FAM193A: variants seen among roughly 807,000 people sequenced by gnomAD.
The protein encoded by FAM193A is protein FAM193A.
FAM193A carries 22 observed loss-of-function variants against 126.5 expected under a neutral mutation model. That is an observed-to-expected ratio of 0.17 (90% CI 0.12 to 0.25). The LOEUF is 0.25. FAM193A is among the 10% of genes least tolerant of loss of function. The pLI is 1.00. For synonymous variants in FAM193A, 761 were observed against 646.8 expected, an observed-to-expected ratio of 1.18 and a Z score of -2.68; for missense variants, 1,675 against 1,672.8, an observed-to-expected ratio of 1.00 and a Z score of -0.02.
intron 1 of FAM193A, among the ~76,000 whole-genome samples, chr4:2,557,972 A>G (rs990480541): frequency 2.6e-5 from 4 of 151,806 alleles, no homozygotes; most frequent in African/African-American, 9.7e-5. Context: ...AAAGTTAACC[A>G]TTTAATAGTG....
intron 19 of FAM193A, among the ~76,000 whole-genome samples, chr4:2,712,238 A>G (rs1577255772): frequency 6.6e-6 from 1 of 152,296 alleles, no homozygotes; most frequent in South Asian, 2.1e-4. Context: ...GGAGATACAT[A>G]TATGTATACA....
At chr4:2,589,368 C>G (rs1330112782) in intron 1 of FAM193A, among the ~76,000 whole-genome samples, 1 of 152,172 alleles carries the variant, frequency 6.6e-6, no homozygotes, top group Non-Finnish European at 1.5e-5. Flanking sequence ...TAGGTTTTCT[C>G]TGTTTATTCT....
At chr4:2,675,345 C>T (rs569667502) in intron 13 of FAM193A, among the ~76,000 whole-genome samples, 6 of 152,296 alleles carry the variant, frequency 3.9e-5, no homozygotes, top group African/African-American at 7.2e-5. Context: ...TTTCTGATTG[C>T]GTGCCCTTGA....
intron 13 of FAM193A, among the ~76,000 whole-genome samples, chr4:2,676,088 G>A (rs948940063): frequency 3.3e-5 from 5 of 152,176 alleles, no homozygotes; most frequent in Admixed American, 3.3e-4. Flanking sequence ...CTGTAAACAT[G>A]AGTGTACAAA....
chr4:2,638,625 A>G (rs919421036), intron 5 of FAM193A, among the ~76,000 whole-genome samples: 8 of 152,244 alleles, frequency 5.3e-5, no homozygotes, highest in African/African-American at 1.9e-4. Context: ...TCCAGGTATG[A>G]AAACAGAGCT....
intron 2 of FAM193A, among the ~76,000 whole-genome samples, chr4:2,611,030 C>G (rs1007460011): frequency 6.6e-6 from 1 of 152,066 alleles, no homozygotes; most frequent in African/African-American, 2.4e-5. Context: ...AGCCACCGTG[C>G]CCGGCCGAGT....
intron 13 of FAM193A, 110 bp from the exon 14 acceptor site, chr4:2,689,396 C>A: frequency 2.7e-6 from 2 of 736,584 alleles, no homozygotes; most frequent in South Asian, 1.9e-5. Flanking sequence ...CAGCTCATGG[C>A]GAGCACATCC....
chr4:2,654,018 G>T (rs999157434), intron 7 of FAM193A, among the ~76,000 whole-genome samples: 1 of 152,100 alleles, frequency 6.6e-6, no homozygotes, highest in Non-Finnish European at 1.5e-5. Flanking sequence ...GGAGTTCTTG[G>T]TTTGTGGCCA....
intron 1 of FAM193A, among the ~76,000 whole-genome samples, chr4:2,549,096 G>T (rs554801268): frequency 6.6e-6 from 1 of 150,810 alleles, no homozygotes; most frequent in African/African-American, 2.4e-5. Context: ...GTGCCATCAT[G>T]CCTGGCTAAT....
intron 12 of FAM193A, among the ~76,000 whole-genome samples, chr4:2,663,934 T>C (rs1712787722): frequency 6.6e-6 from 1 of 152,218 alleles, no homozygotes; most frequent in Non-Finnish European, 1.5e-5. Flanking sequence ...GCCACTGCAC[T>C]TCAGCCTGGG....
At chr4:2,590,799 G>T (rs922489858) in intron 1 of FAM193A, among the ~76,000 whole-genome samples, 1 of 151,886 alleles carries the variant, frequency 6.6e-6, no homozygotes, top group African/African-American at 2.4e-5. Context: ...AGGCCGAGGC[G>T]GGTGGATCAC....
chr4:2,681,618 A>G (rs946676099), intron 13 of FAM193A, among the ~76,000 whole-genome samples: 3 of 151,548 alleles, frequency 2.0e-5, no homozygotes, highest in African/African-American at 4.9e-5. Context: ...CCAGCTATCT[A>G]TCTGTCTGTC....
chr4:2,542,120 A>G (rs1306834833), intron 1 of FAM193A, among the ~76,000 whole-genome samples: 1 of 151,368 alleles, frequency 6.6e-6, no homozygotes, highest in Non-Finnish European at 1.5e-5. Context: ...GGTTCAAGTG[A>G]TTCTTTTGCC....
chr4:2,687,722 C>A (rs1828803), intron 13 of FAM193A, among the ~76,000 whole-genome samples: 46,527 of 152,104 alleles, frequency 0.31, 8,941 homozygotes, highest in Admixed American at 0.51. Context: ...CTGGTTCATC[C>A]ACAGCATTGC....
rs80028985 is a variant in FAM193A at position 2,546,591 on chromosome 4, C to A, written c.255+9421C>A. ...ACTTTGAGATTCATCCAAGTTGTTG[C>A]ATGTATCAGTAGCTTGTTCTTTTTT... On this transcript the variant is annotated intron_variant, in intron 1 of 20. Transcript: ENST00000637812. Among the ~76,000 whole-genome samples, 977 of 152,222 alleles carry A rather than the reference C, an allele frequency of 6.4e-3. 9 individuals carry two copies. Among genetic ancestry groups the A allele is most frequent in the African/African-American group, 0.021 (883 of 41,530 alleles).
intron 2 of FAM193A, among the ~76,000 whole-genome samples, chr4:2,603,122 C>A (rs952551195): frequency 2.7e-5 from 4 of 150,142 alleles, no homozygotes; most frequent in Admixed American, 2.7e-4. Flanking sequence ...GCGCCCACCA[C>A]CATGCCTGGC....
intron 2 of FAM193A, among the ~76,000 whole-genome samples, chr4:2,623,011 C>A (rs1742646290): frequency 1.3e-5 from 2 of 152,028 alleles, no homozygotes; most frequent in African/African-American, 4.8e-5. Context: ...AACCAGCCTG[C>A]CCCCAACCCC....
chr4:2,691,318 C>T (rs758651957), intron 15 of FAM193A, among the ~76,000 whole-genome samples: 9 of 152,170 alleles, frequency 5.9e-5, no homozygotes, highest in Admixed American at 1.3e-4. Flanking sequence ...TGGGTTCAAG[C>T]GATTCTCCTA....
rs1335387636 is a variant in FAM193A, at chr4:2,590,502, AAAAC to A, written c.256-5578_256-5575del. The stretch of plus-strand genomic sequence containing the variant: ...AAAAAAAAACAAAAAAAAACAAAAA[AAAAC>A]AAAAAAAAAACAAAACAAAATTAAA... On this transcript the variant is annotated intron_variant, in intron 1 of 20. Transcript: ENST00000637812. 3.0e-4 allele frequency among the ~76,000 whole-genome samples: 25 copies of A among 83,706 alleles called. 3 individuals carry two copies. The highest frequency in any genetic ancestry group is 1.1e-3 in the African/African-American group (15 of 13,850). The allele number at this position is 83,706 out of a possible 152,430, so 54.9% of individuals were successfully genotyped here.
Sources: allele counts gnomAD v4.1 joint callset (sites outside exome capture counted in the v4.1 genomes callset), GRCh38; gene constraint gnomAD v4.1.1; transcripts MANE v1.5; gene names NCBI Gene and HGNC (gene_info 2026-07-23, HGNC 2026-07-21).